CSMD1: variants seen among roughly 807,000 people sequenced by gnomAD.
The protein encoded by CSMD1 is CUB and sushi domain-containing protein 1.
In CSMD1, 213 loss-of-function variants were observed where a neutral mutation model predicts 417.5. The observed-to-expected ratio is 0.51, with a 90% CI of 0.46 to 0.57. The LOEUF is 0.57. Ranked by LOEUF, CSMD1 falls within the 20% of genes least tolerant of loss-of-function variation. CSMD1 has a pLI of 0.00. For missense variants in CSMD1, 6,923 were observed against 4,529.7 expected, an observed-to-expected ratio of 1.53 and a Z score of -15.17; for synonymous variants, 2,862 against 1,736.8, an observed-to-expected ratio of 1.65 and a Z score of -16.11.
At chr8:4,403,534 C>T (rs899863473) in intron 3 of CSMD1, among the ~76,000 whole-genome samples, 4 of 152,246 alleles carry the variant, frequency 2.6e-5, no homozygotes, top group Non-Finnish European at 4.4e-5. Context: ...TAGTATCATT[C>T]GCCAGGGCTG....
At chr8:3,974,573 G>C (rs1047735234) in intron 5 of CSMD1, among the ~76,000 whole-genome samples, 1 of 151,926 alleles carries the variant, frequency 6.6e-6, no homozygotes, top group Non-Finnish European at 1.5e-5. Flanking sequence ...TTCAGAACTA[G>C]TGGCAATCCT....
intron 1 of CSMD1, among the ~76,000 whole-genome samples, chr8:4,751,638 G>A (rs1011965972): frequency 6.6e-6 from 1 of 152,090 alleles, no homozygotes. Context: ...GGTGAAAAAT[G>A]CCACTATCAC....
chr8:3,115,389 T>C (rs984806048), intron 42 of CSMD1, among the ~76,000 whole-genome samples: 1 of 152,000 alleles, frequency 6.6e-6, no homozygotes, highest in Non-Finnish European at 1.5e-5. Context: ...TTTAGTAGAG[T>C]TGGGGTTTTG....
At chr8:3,060,623 G>T (rs189268406) in intron 49 of CSMD1, among the ~76,000 whole-genome samples, 1 of 152,188 alleles carries the variant, frequency 6.6e-6, no homozygotes, top group Non-Finnish European at 1.5e-5. Flanking sequence ...TTAAATTCAT[G>T]TTTCACTTTC....
At position 3,954,169 on chromosome 8, in the gene CSMD1, C is replaced by T. The variant is rs1318845674; in HGVS notation, c.818+43734G>A. On this transcript the variant is annotated intron_variant, in intron 5 of 69. Transcript: ENST00000635120. ...ATATGGGTCTGTAGAAACTTCAGCC[C>T]TTGCATCCTCAGAAGAAGGAATTTG... Among the ~76,000 whole-genome samples the T allele has an allele frequency of 3.9e-5, 6 of 152,278 alleles. No homozygotes were observed. The East Asian group carries it at 9.7e-4, about 25-fold the overall frequency.
At chr8:4,660,850 TACCATGTTAAAAG>T (rs1017497027) in intron 1 of CSMD1, among the ~76,000 whole-genome samples, 1 of 152,068 alleles carries the variant, frequency 6.6e-6, no homozygotes, top group African/African-American at 2.4e-5. Flanking sequence ...AGATGGCAAA[TACCATGTTAAAAG>T]GTACTCAACA....
chr8:3,040,864 T>C (rs1811041729), intron 50 of CSMD1, among the ~76,000 whole-genome samples: 1 of 152,194 alleles, frequency 6.6e-6, no homozygotes, highest in Admixed American at 6.5e-5. Flanking sequence ...GAAAATAATC[T>C]GTTAGAATAT....
At chr8:4,884,788 G>C (rs1239650116) in intron 1 of CSMD1, among the ~76,000 whole-genome samples, 4 of 151,956 alleles carry the variant, frequency 2.6e-5, no homozygotes, top group Admixed American at 6.6e-5. Flanking sequence ...AATAAGATTT[G>C]GGAAGCATGA....
intron 4 of CSMD1, among the ~76,000 whole-genome samples, chr8:4,005,954 A>T (rs1334794796): frequency 3.3e-5 from 5 of 152,180 alleles, no homozygotes; most frequent in African/African-American, 9.7e-5. Flanking sequence ...TAATTTATTC[A>T]TTCAATACAT....
At chr8:3,991,182 T>G (rs1343790718) in intron 5 of CSMD1, among the ~76,000 whole-genome samples, 1 of 152,068 alleles carries the variant, frequency 6.6e-6, no homozygotes, top group Non-Finnish European at 1.5e-5. Context: ...TCCACCCAGG[T>G]GAAAACAAAA....
chr8:3,266,050 G>C (rs989846095), intron 26 of CSMD1, among the ~76,000 whole-genome samples: 1 of 151,852 alleles, frequency 6.6e-6, no homozygotes, highest in East Asian at 2.0e-4. Context: ...GAAATAGAGA[G>C]CTTTGAAGTT....
intron 1 of CSMD1, among the ~76,000 whole-genome samples, chr8:4,805,649 T>G (rs7016863): frequency 0.32 from 48,803 of 152,098 alleles, 8,750 homozygotes; most frequent in East Asian, 0.43. Flanking sequence ...GAACCATCTT[T>G]AAACACATAA....
rs552205976 is a variant in CSMD1, at chr8:4,033,025, T to C, written c.416-926A>G. On this transcript the variant is annotated intron_variant, in intron 3 of 69. Coordinates refer to ENST00000635120, the MANE Select transcript of CSMD1 (RefSeq NM_033225.6). Reference sequence around the variant, plus strand: ...CTACCTGGAGGCTTTGTATGCATGATAAAAACATTGGTCTCTTCAATACTT... The same window carrying C: ...CTACCTGGAGGCTTTGTATGCATGACAAAAACATTGGTCTCTTCAATACTT... Among the ~76,000 whole-genome samples, 10 of 143,662 alleles carry C rather than the reference T, an allele frequency of 7.0e-5. No homozygotes were observed. The Admixed American group carries it at 7.4e-4, about 11-fold the overall frequency. 94.2% of individuals were successfully genotyped at this position (143,662 alleles called of 152,430 possible).
At chr8:4,043,122 G>C (rs931364866) in intron 3 of CSMD1, among the ~76,000 whole-genome samples, 13 of 152,018 alleles carry the variant, frequency 8.6e-5, no homozygotes, top group African/African-American at 2.9e-4. Context: ...GAGACAGTGA[G>C]ACTCTGTCTA....
intron 6 of CSMD1, among the ~76,000 whole-genome samples, chr8:3,733,968 C>T (rs1449101953): frequency 2.0e-5 from 3 of 151,894 alleles, no homozygotes; most frequent in Admixed American, 6.6e-5. Context: ...ACTTATCCTT[C>T]AAGGATAAGG....
intron 21 of CSMD1, among the ~76,000 whole-genome samples, chr8:3,354,875 A>ATATCTATAGATATGTCTATCTCTAGATC (rs1808649431): frequency 2.8e-5 from 2 of 71,522 alleles, no homozygotes; most frequent in Admixed American, 1.2e-4. Flanking sequence ...AGATATACAT[A>ATATCTATAGATATGTCTATCTCTAGATC]TATCTATAGA....
chr8:4,737,472 C>T (rs2607549), intron 1 of CSMD1, among the ~76,000 whole-genome samples: 140,803 of 152,202 alleles, frequency 0.93, 65,254 homozygotes, highest in African/African-American at 0.98. Flanking sequence ...AAACCTGCAC[C>T]TGTACCCCTG....
chr8:2,985,032 T>C (rs1805760642), intron 54 of CSMD1, among the ~76,000 whole-genome samples: 1 of 152,234 alleles, frequency 6.6e-6, no homozygotes, highest in South Asian at 2.1e-4. Flanking sequence ...AAATCAGACC[T>C]GAGCTTAAAA....
chr8:3,436,978 G>T (rs1405542032), intron 12 of CSMD1, among the ~76,000 whole-genome samples: 1 of 152,048 alleles, frequency 6.6e-6, no homozygotes, highest in Non-Finnish European at 1.5e-5. Context: ...CATGCAAGAA[G>T]CAGACAGGGA....
Sources: gnomAD v4.1 joint callset for allele counts (sites outside exome capture counted in the v4.1 genomes callset) on GRCh38, gnomAD v4.1.1 for gene constraint, MANE v1.5 for transcripts, NCBI Gene and HGNC (gene_info 2026-07-23, HGNC 2026-07-21) for gene names.